CADM1: variants seen among roughly 807,000 people sequenced by gnomAD.
CADM1 encodes TSLC-1.
Under a neutral mutation model 53.1 loss-of-function variants are expected in CADM1, and 15 were observed. The ratio of observed to expected loss-of-function variants is 0.28; its 90% CI spans 0.19 to 0.44. The LOEUF (loss-of-function observed/expected upper bound fraction) is 0.44, where lower values mean the gene tolerates loss of function less well. CADM1 is among the 20% of genes least tolerant of loss of function. The pLI is 1.00. For synonymous variants in CADM1, 281 were observed against 243.0 expected (o/e 1.16, Z -1.45); for missense variants, 434 against 611.3 (o/e 0.71, Z 3.06).
intron 8 of CADM1, among the ~76,000 whole-genome samples, chr11:115,202,649 C>T (rs1393629100): frequency 6.6e-6 from 1 of 152,070 alleles, no homozygotes; most frequent in Non-Finnish European, 1.5e-5. Flanking sequence ...AGCAGTTAGA[C>T]ATATTTTAAT....
intron 1 of CADM1, among the ~76,000 whole-genome samples, chr11:115,347,255 C>CA (rs889399588): frequency 6.6e-6 from 1 of 152,036 alleles, no homozygotes; most frequent in South Asian, 2.1e-4. Flanking sequence ...ACTAGCCCCC[C>CA]CAACTGCTTC....
At chr11:115,441,734 C>T (rs932629495) in intron 1 of CADM1, among the ~76,000 whole-genome samples, 5 of 152,118 alleles carry the variant, frequency 3.3e-5, no homozygotes, top group African/African-American at 7.2e-5. Context: ...TAGCCCCTTC[C>T]GTTATTTTAC....
chr11:115,400,659 GTGTATATATATATATATATATATATATA>G (rs56310624), intron 1 of CADM1, among the ~76,000 whole-genome samples: 8,339 of 38,640 alleles, frequency 0.22, 479 homozygotes, highest in East Asian at 0.32. Flanking sequence ...GTGTGTGTGT[GTGTATATATATATATATATATATATATA>G]TATATATATA....
At chr11:115,185,682 C>G (rs1939509251) in intron 10 of CADM1, among the ~76,000 whole-genome samples, 1 of 152,236 alleles carries the variant, frequency 6.6e-6, no homozygotes, top group African/African-American at 2.4e-5. Flanking sequence ...TGAGTCCACT[C>G]TGTTCATCTC....
chr11:115,281,528 G>T (rs183228390), intron 1 of CADM1, among the ~76,000 whole-genome samples: 1 of 152,270 alleles, frequency 6.6e-6, no homozygotes, highest in Non-Finnish European at 1.5e-5. Flanking sequence ...TTTCAAAGTT[G>T]TTGAGCTTTT....
intron 3 of CADM1, among the ~76,000 whole-genome samples, chr11:115,234,917 AAAAAT>A (rs1381589833): frequency 1.6e-4 from 25 of 151,598 alleles, no homozygotes; most frequent in African/African-American, 6.0e-4. Context: ...AAAAAAAAAA[AAAAAT>A]TTGCCCAGTG....
At chr11:115,440,845 C>T (rs924256415) in intron 1 of CADM1, among the ~76,000 whole-genome samples, 5 of 152,106 alleles carry the variant, frequency 3.3e-5, no homozygotes, top group Non-Finnish European at 5.9e-5. Flanking sequence ...CTGGCATGAA[C>T]GTGAGTCACT....
intron 8 of CADM1, among the ~76,000 whole-genome samples, chr11:115,208,267 C>G (rs2134727994): frequency 6.6e-6 from 1 of 152,296 alleles, no homozygotes; most frequent in African/African-American, 2.4e-5. Context: ...TGTTGAGAAG[C>G]ACTGGCTTCC....
intron 1 of CADM1, among the ~76,000 whole-genome samples, chr11:115,314,781 C>T (rs1212183070): frequency 5.3e-5 from 8 of 152,098 alleles, no homozygotes; most frequent in African/African-American, 1.9e-4. Context: ...TTCACAAACC[C>T]TGCCAGCAGG....
chr11:115,175,492 T>C lies in CADM1; in HGVS notation c.*982A>G, dbSNP rs753318832. The C allele has an allele frequency of 1.7e-5, 17 of 985,472 alleles. No individual in the cohort carries two copies. Among genetic ancestry groups the C allele is most frequent in the Non-Finnish European group, 2.0e-5 (17 of 829,954 alleles). 61.0% of individuals were successfully genotyped at this position (985,472 alleles called of 1,614,324 possible). On this transcript the variant is annotated 3_prime_UTR_variant, in exon 12 of 12. Coordinates refer to ENST00000331581, the MANE Select transcript of CADM1 (RefSeq NM_001301043.2). Reference sequence around the variant, plus strand: ...ATTGGGAAAGGTGGATGGAATCATTTGGAACAGAAACAACCAGAGCAGAAC... The same window carrying C: ...ATTGGGAAAGGTGGATGGAATCATTCGGAACAGAAACAACCAGAGCAGAAC...
intron 1 of CADM1, among the ~76,000 whole-genome samples, chr11:115,489,386 C>T (rs1488860582): frequency 6.6e-6 from 1 of 152,138 alleles, no homozygotes; most frequent in African/African-American, 2.4e-5. Flanking sequence ...ACACTAAGGC[C>T]TTGGCATATT....
chr11:115,385,289 TAACA>T (rs1173883809), intron 1 of CADM1, among the ~76,000 whole-genome samples: 1 of 151,878 alleles, frequency 6.6e-6, no homozygotes, highest in African/African-American at 2.4e-5. Context: ...GATAACACAC[TAACA>T]AATACACAAA....
intron 10 of CADM1, among the ~76,000 whole-genome samples, chr11:115,187,230 G>A (rs1375076631): frequency 6.6e-6 from 1 of 152,062 alleles, no homozygotes; most frequent in African/African-American, 2.4e-5. Context: ...CCAAATCTGG[G>A]CCACTCTTTA....
intron 1 of CADM1, among the ~76,000 whole-genome samples, chr11:115,318,636 G>T (rs1462111727): frequency 6.6e-6 from 1 of 152,164 alleles, no homozygotes; most frequent in Non-Finnish European, 1.5e-5. Context: ...TAGTGAAGAC[G>T]GGTAGAAGGC....
intron 1 of CADM1, among the ~76,000 whole-genome samples, chr11:115,400,639 A>G (rs11827663): frequency 0.019 from 1,380 of 73,232 alleles, 54 homozygotes; most frequent in African/African-American, 0.055. Flanking sequence ...TATCATATAT[A>G]TGTGTGTGTG....
chr11:115,236,047 A>G (rs1367153200), intron 3 of CADM1, among the ~76,000 whole-genome samples: 1 of 152,230 alleles, frequency 6.6e-6, no homozygotes, highest in East Asian at 1.9e-4. Context: ...AGAATAGCAT[A>G]GACAACATTA....
intron 1 of CADM1, among the ~76,000 whole-genome samples, chr11:115,406,100 A>G (rs1046795523): frequency 6.6e-6 from 1 of 152,196 alleles, no homozygotes; most frequent in Non-Finnish European, 1.5e-5. Context: ...CAGTTTTCTC[A>G]TGGGGATATT....
chr11:115,374,722 A>T (rs973998502), intron 1 of CADM1, among the ~76,000 whole-genome samples: 7 of 152,206 alleles, frequency 4.6e-5, no homozygotes, highest in African/African-American at 7.2e-5. Context: ...AAAAATTTTT[A>T]AAAAACATGT....
intron 1 of CADM1, among the ~76,000 whole-genome samples, chr11:115,368,095 T>TATTATC (rs912456996): frequency 6.6e-6 from 1 of 150,792 alleles, no homozygotes; most frequent in Admixed American, 6.6e-5. Context: ...AAAATGTCTT[T>TATTATC]ATTATCACTA....
Sources: allele counts gnomAD v4.1 joint callset (sites outside exome capture counted in the v4.1 genomes callset), GRCh38; gene constraint gnomAD v4.1.1; transcripts MANE v1.5; gene names NCBI Gene and HGNC (gene_info 2026-07-23, HGNC 2026-07-21).